ZNF66: variants seen among roughly 807,000 people sequenced by gnomAD.
ZNF66 encodes putative zinc finger protein 66.
ZNF66 carries 32 observed loss-of-function variants against 35.2 expected under a neutral mutation model. The ratio of observed to expected loss-of-function variants is 0.91; its 90% CI spans 0.69 to 1.22. The LOEUF (loss-of-function observed/expected upper bound fraction) is 1.22, where lower values mean the gene tolerates loss of function less well. Ranked by LOEUF, ZNF66 falls within the 50% of genes most tolerant of loss-of-function variation. The pLI is 0.00. For synonymous variants in ZNF66, 231 were observed against 181.3 expected (o/e 1.27, Z -2.20); for missense variants, 666 against 543.1 (o/e 1.23, Z -2.25).
Position 20,808,989 on chromosome 19 carries a change from A to C in ZNF66, c.*1667A>C, listed in dbSNP as rs1162006664. Among the ~76,000 whole-genome samples the C allele has an allele frequency of 6.6e-6, 1 of 152,196 alleles. No homozygotes were observed. Among genetic ancestry groups the C allele is most frequent in the African/African-American group, 2.4e-5 (1 of 41,454 alleles). On this transcript the variant is annotated 3_prime_UTR_variant, in exon 4 of 4. Coordinates refer to ENST00000344519, the MANE Select transcript of ZNF66 (RefSeq NM_001355197.2). ...ATAACCAATGCAGAGAAATGCTTAA[A>C]GGAGCTGATGGAGCTGAAAGCCAAG...
At chr19:20,805,275 A>G (rs567537648) in intron 3 of ZNF66, among the ~76,000 whole-genome samples, 1 of 151,964 alleles carries the variant, frequency 6.6e-6, no homozygotes, top group Non-Finnish European at 1.5e-5. Flanking sequence ...GCTTACTGCA[A>G]CCTCTGCCTC....
At chr19:20,797,926 A>G (rs973276796) in intron 3 of ZNF66, among the ~76,000 whole-genome samples, 1 of 152,142 alleles carries the variant, frequency 6.6e-6, no homozygotes, top group Admixed American at 6.6e-5. Context: ...TTATAATTTT[A>G]GACAATTTGC....
In ZNF66 at chr19:20,809,535, TAAAG is replaced by T. The variant is rs1305559213; in HGVS notation, c.*2217_*2220del. ...AGTGGGGGCCAATATTCAACATTCT[TAAAG>T]AAAAGAATTTTCAACCCAGAATTTC... On this transcript the variant is annotated 3_prime_UTR_variant, in exon 4 of 4. Transcript: ENST00000344519. 2.0e-5 allele frequency among the ~76,000 whole-genome samples: 3 copies of T among 151,886 alleles called. No individual in the cohort carries two copies. The highest frequency in any genetic ancestry group is 1.9e-4 in the East Asian group (1 of 5,166).
chr19:20,783,549 A>C (rs1190000108), intron 1 of ZNF66, among the ~76,000 whole-genome samples: 1 of 152,160 alleles, frequency 6.6e-6, no homozygotes, highest in Non-Finnish European at 1.5e-5. Context: ...TAAGGTAGAC[A>C]CAGATTTGTT....
intron 1 of ZNF66, among the ~76,000 whole-genome samples, chr19:20,781,602 C>CA (rs112949613): frequency 0.093 from 14,073 of 151,720 alleles, 669 homozygotes; most frequent in Middle Eastern, 0.11. Flanking sequence ...TTCCACCTCC[C>CA]GGTTCAAGTG....
chr19:20,805,126 T>TGTGTGAGAGAGAGAGA (rs752355466), intron 3 of ZNF66, among the ~76,000 whole-genome samples: 4 of 146,080 alleles, frequency 2.7e-5, no homozygotes, highest in South Asian at 2.2e-4. Flanking sequence ...TGTGTGTGTG[T>TGTGTGAGAGAGAGAGA]GAGAGAGAGA....
At chr19:20,789,966 GA>G (rs1971320924) in intron 1 of ZNF66, among the ~76,000 whole-genome samples, 2 of 152,128 alleles carry the variant, frequency 1.3e-5, no homozygotes, top group Non-Finnish European at 2.9e-5. Flanking sequence ...ATTTGGTTGT[GA>G]CAAGAGTGCT....
At chr19:20,783,786 T>C (rs1971264547) in intron 1 of ZNF66, among the ~76,000 whole-genome samples, 1 of 152,244 alleles carries the variant, frequency 6.6e-6, no homozygotes, top group South Asian at 2.1e-4. Context: ...TTGTTTTCTA[T>C]TTATTACTTC....
intron 3 of ZNF66, among the ~76,000 whole-genome samples, chr19:20,804,972 T>A (rs1332633730): frequency 6.6e-6 from 1 of 152,166 alleles, no homozygotes; most frequent in Non-Finnish European, 1.5e-5. Context: ...ACTTATATCG[T>A]CATTTCCTTC....
intron 1 of ZNF66, among the ~76,000 whole-genome samples, chr19:20,781,399 A>G (rs1971243798): frequency 6.6e-6 from 1 of 152,058 alleles, no homozygotes; most frequent in African/African-American, 2.4e-5. Flanking sequence ...TCCACCCTCA[A>G]CTAGGCCTCA....
At chr19:20,788,475 G>T (rs1419702393) in intron 1 of ZNF66, among the ~76,000 whole-genome samples, 2 of 152,026 alleles carry the variant, frequency 1.3e-5, no homozygotes, top group East Asian at 3.9e-4. Flanking sequence ...TGTGATCTTG[G>T]CTCACTGCAA....
rs2144924617 is a variant in ZNF66 at position 20,807,971 on chromosome 19, G to C, written c.*649G>C. 6.6e-6 allele frequency among the ~76,000 whole-genome samples: 1 copy of C among 152,314 alleles called. No homozygotes were observed. Among genetic ancestry groups the C allele is most frequent in the Non-Finnish European group, 1.5e-5 (1 of 68,024 alleles). On this transcript the variant is annotated 3_prime_UTR_variant, in exon 4 of 4. Coordinates refer to ENST00000344519, the MANE Select transcript of ZNF66 (RefSeq NM_001355197.2). Reference sequence around the variant, plus strand: ...TTCCCTTTCCTAGTCAAAGAAAGGGGTGACAGATGGCACCTGGAAAATTGG... The same window carrying C: ...TTCCCTTTCCTAGTCAAAGAAAGGGCTGACAGATGGCACCTGGAAAATTGG...
intron 2 of ZNF66, among the ~76,000 whole-genome samples, chr19:20,793,531 C>T (rs1971362220): frequency 1.3e-5 from 2 of 151,808 alleles, no homozygotes; most frequent in Admixed American, 1.3e-4. Flanking sequence ...CCATGCTGGC[C>T]AGGCTGGTCT....
intron 1 of ZNF66, among the ~76,000 whole-genome samples, chr19:20,778,256 C>A (rs112449528): frequency 2.0e-5 from 3 of 152,076 alleles, no homozygotes; most frequent in Non-Finnish European, 2.9e-5. Flanking sequence ...TGTGTCACCA[C>A]GTCCAGCCAA....
chr19:20,790,003 C>T (rs1175503223), intron 1 of ZNF66, among the ~76,000 whole-genome samples: 1 of 152,140 alleles, frequency 6.6e-6, no homozygotes, highest in Non-Finnish European at 1.5e-5. Flanking sequence ...TGTGCTGTGC[C>T]TGCTTCTCTA....
At chr19:20,794,898 T>G (rs1358754035) in intron 3 of ZNF66, among the ~76,000 whole-genome samples, 1 of 140,930 alleles carries the variant, frequency 7.1e-6, no homozygotes, top group Non-Finnish European at 1.6e-5. Flanking sequence ...TGAGAGGGGC[T>G]TTCACTCTTT....
chr19:20,796,960 C>T (rs1229711815), intron 3 of ZNF66, among the ~76,000 whole-genome samples: 8 of 152,030 alleles, frequency 5.3e-5, no homozygotes, highest in Admixed American at 4.6e-4. Flanking sequence ...AAGCAATTCT[C>T]ATGCCTCAGT....
chr19:20,799,065 C>CTTTTTTTTT (rs746296804), intron 3 of ZNF66: 3 of 128,154 alleles, frequency 2.3e-5, no homozygotes, highest in South Asian at 2.4e-4. Context: ...TTCTTTCTTT[C>CTTTTTTTTT]TTTTTTTTTT....
At chr19:20,791,229 A>G (rs796587540) in intron 1 of ZNF66, among the ~76,000 whole-genome samples, 28 of 152,166 alleles carry the variant, frequency 1.8e-4, no homozygotes, top group African/African-American at 6.3e-4. Flanking sequence ...TCATGCCTGT[A>G]ATCCCAGCAC....
Sources: gnomAD v4.1 joint callset for allele counts (sites outside exome capture counted in the v4.1 genomes callset) on GRCh38, gnomAD v4.1.1 for gene constraint, MANE v1.5 for transcripts, NCBI Gene and HGNC (gene_info 2026-07-23, HGNC 2026-07-21) for gene names.